Variants in CTAGE1 observed in about 807,000 individuals in gnomAD.
CTAGE1 encodes cutaneous T cell lymphoma-associated antigen 1, also known as cTAGE family member 2.
For missense variants in CTAGE1, 963 were observed against 855.9 expected, an observed-to-expected ratio of 1.13 and a Z score of -1.56; for synonymous variants, 332 against 302.8, an observed-to-expected ratio of 1.10 and a Z score of -1.00.
Position 22,416,273 on chromosome 18 carries a change from A to T in CTAGE1, c.1539T>A (p.Pro513=). The change falls in exon 1 of 1, where the codon CCT becomes CCA. Residue 513 remains proline, a synonymous_variant. Coordinates refer to ENST00000391403, the MANE Select transcript of CTAGE1 (RefSeq NM_172241.3). ...SLYPPTLLEG[P]LRLSPLLPRG... is the part of the protein sequence containing the mutation. ...GTGGAAGCAAAGGTGAGAGTCTGAGAGGACCTTCCAACAAAGTTGGAGGAT... is the reference window on the plus strand; with the variant it reads ...GTGGAAGCAAAGGTGAGAGTCTGAGTGGACCTTCCAACAAAGTTGGAGGAT... 2 of 1,613,920 alleles carry T rather than the reference A, an allele frequency of 1.2e-6. No homozygotes were observed. The highest frequency in any genetic ancestry group is 1.7e-4 in the Middle Eastern group (1 of 6,056).
Position 22,415,672 on chromosome 18 carries a change from G to A in CTAGE1, c.2140C>T (p.Arg714Cys), listed in dbSNP as rs1471752985. Reference protein sequence around the residue: ...FSPRDVPGPPRAPFAMRNVYL... With the variant: ...FSPRDVPGPPCAPFAMRNVYL... The stretch of plus-strand genomic sequence containing the variant: ...ACATTTCTCATTGCAAATGGAGCAC[G>A]TGGTGGACCTGGGACATCCCTTGGA... Residue 714 changes from arginine to cysteine, a missense_variant, in exon 1 of 1, where the codon CGT becomes TGT. Arg to Cys is a radical substitution (Grantham distance 180). Transcript: ENST00000391403. 3 of 1,614,148 alleles carry A rather than the reference G, an allele frequency of 1.9e-6. No individual in the cohort carries two copies. Among genetic ancestry groups the A allele is most frequent in the Non-Finnish European group, 8.5e-7 (1 of 1,180,004 alleles).
chr18:22,417,477 A>G lies in CTAGE1; in HGVS notation c.335T>C (p.Val112Ala). Residue 112 changes from valine to alanine, a missense_variant, in exon 1 of 1, where the codon GTG becomes GCG. By Grantham distance (64) the Val-to-Ala change is moderately conservative (BLOSUM62 0). Transcript: ENST00000391403. ...EKLNRFNSEL[V>A]HEILCLEKEL... ...TTTTTCTAGACAGAGTATTTCATGC[A>G]CAAGTTCAGAATTGAACCTGTTCAG... 1 of 1,613,986 alleles carries G rather than the reference A, an allele frequency of 6.2e-7. No homozygotes were observed. Among genetic ancestry groups the G allele is most frequent in the Non-Finnish European group, 8.5e-7 (1 of 1,179,872 alleles).
Position 22,414,336 on chromosome 18 carries a change from T to C in CTAGE1, c.*1238A>G, listed in dbSNP as rs977726954. 8.0e-6 allele frequency: 2 copies of C among 250,198 alleles called. No individual in the cohort carries two copies. The highest frequency in any genetic ancestry group is 2.2e-5 in the African/African-American group (1 of 44,516). The allele number at this position is 250,198 out of a possible 1,614,324, so 15.5% of individuals were successfully genotyped here. On this transcript the variant is annotated 3_prime_UTR_variant, in exon 1 of 1. Coordinates refer to ENST00000391403, the MANE Select transcript of CTAGE1 (RefSeq NM_172241.3). ...ACGGAAAATGTATAGGAAGCCCCAG[T>C]GTACAATAAGGGCACCTCATGTCTC...
Position 22,416,593 on chromosome 18 carries a change from C to G in CTAGE1, c.1219G>C (p.Asp407His). ...ATAGTTTTCTCAAATTCTTTAAGAT[C>G]TTTGGCTCGCTTTCGGTAGGTCTCC... ...ELETYRKRAK[D>H]LKEFEKTIHF... The change falls in exon 1 of 1, where the codon GAT becomes CAT. Residue 407 changes from aspartate (D) to histidine (H), a missense_variant. Asp to His is a moderately conservative substitution (Grantham distance 81). Transcript: ENST00000391403. The G allele has an allele frequency of 1.2e-6, 2 of 1,610,650 alleles. No individual in the cohort carries two copies. The highest frequency in any genetic ancestry group is 1.7e-6 in the Non-Finnish European group (2 of 1,179,366).
chr18:22,415,563 T>C lies in CTAGE1; in HGVS notation c.*11A>G, dbSNP rs769564729. 1.3e-6 allele frequency: 2 copies of C among 1,576,144 alleles called. No individual in the cohort carries two copies. The highest frequency in any genetic ancestry group is 1.2e-5 in the South Asian group (1 of 84,600). On this transcript the variant is annotated 3_prime_UTR_variant, in exon 1 of 1. Transcript: ENST00000391403. ...AGTCGGACTCAACCCTGATGGAAAC[T>C]CATTCTACCTTCAGAATGTGGGGGC...
Position 22,415,830 on chromosome 18 carries a change from A to G in CTAGE1, c.1982T>C (p.Val661Ala). Residue 661 changes from valine to alanine, a missense_variant, in exon 1 of 1, where the codon GTT becomes GCT. Val to Ala is a moderately conservative substitution (Grantham distance 64). Transcript: ENST00000391403. ...AENEATGPGF[V>A]PPPLAPIRGL... ...TCTGATTGGAGCAAGAGGTGGAGGA[A>G]CAAAGCCAGGGCCAGTTGCTTCATT... 3 of 1,613,972 alleles carry G rather than the reference A, an allele frequency of 1.9e-6. No individual in the cohort carries two copies. The highest frequency in any genetic ancestry group is 2.5e-6 in the Non-Finnish European group (3 of 1,179,860).
In CTAGE1 at chr18:22,416,878, C is replaced by T. The variant is rs778152264; in HGVS notation, c.934G>A (p.Glu312Lys). The change falls in exon 1 of 1, where the codon GAA becomes AAA. Residue 312 changes from glutamate (E) to lysine (K), a missense_variant. Coordinates refer to ENST00000391403, the MANE Select transcript of CTAGE1 (RefSeq NM_172241.3). ...ERNQIYIQLS[E>K]VDKTKEELTE... ...AGCTCTTCCTTTGTTTTATCAACTT[C>T]AGATAATTGAATATAAATTTGGTTT... is the stretch of plus-strand genomic sequence containing the variant. 14 of 1,613,432 alleles carry T rather than the reference C, an allele frequency of 8.7e-6. No homozygotes were observed. The African/African-American group carries it at 1.2e-4, about 14-fold the overall frequency.
Position 22,417,116 on chromosome 18 carries a change from A to G in CTAGE1, c.696T>C (p.Asn232=). 1.2e-6 allele frequency: 2 copies of G among 1,613,726 alleles called. No homozygotes were observed. The highest frequency in any genetic ancestry group is 1.7e-6 in the Non-Finnish European group (2 of 1,179,800). ...HAEQVLNDKE[N]HIKTLTERLL... ...AGCGTTCAGTCAGAGTCTTGATGTG[A>G]TTTTCTTTATCATTTAGAACTTGTT... The change falls in exon 1 of 1, where the codon AAT becomes AAC. Residue 232 remains asparagine (N), a synonymous_variant. Transcript: ENST00000391403.
chr18:22,417,380 C>T lies in CTAGE1; in HGVS notation c.432G>A (p.Gln144=). 1 of 1,613,992 alleles carries T rather than the reference C, an allele frequency of 6.2e-7. No homozygotes were observed. The highest frequency in any genetic ancestry group is 1.1e-5 in the South Asian group (1 of 91,074). The stretch of plus-strand genomic sequence containing the variant: ...GGGATTTTGACTCATCTTCTAGCGA[C>T]TGTATCCTTTTGGAAATATCCGCCA... ...ELMADISKRI[Q]SLEDESKSLK... is the part of the protein sequence containing the mutation. Residue 144 remains glutamine, a synonymous_variant, in exon 1 of 1, where the codon CAG becomes CAA. Coordinates refer to ENST00000391403, the MANE Select transcript of CTAGE1 (RefSeq NM_172241.3).
Position 22,417,695 on chromosome 18 carries a change from C to T in CTAGE1, c.117G>A (p.Arg39=). The T allele has an allele frequency of 6.2e-7, 1 of 1,614,086 alleles. No homozygotes were observed. The highest frequency in any genetic ancestry group is 8.5e-7 in the Non-Finnish European group (1 of 1,179,936). ...ACTTTTTCTCTCTTCTCACATAAAG[C>T]CGACTCGTAACTGATCTAAAACTTC... ...LWRSFRSVTS[R]LYVRREKKFA... Residue 39 remains arginine (R), a synonymous_variant, in exon 1 of 1, where the codon CGG becomes CGA. Coordinates refer to ENST00000391403, the MANE Select transcript of CTAGE1 (RefSeq NM_172241.3).
Position 22,415,912 on chromosome 18 carries a change from C to T in CTAGE1, c.1900G>A (p.Asp634Asn). The change falls in exon 1 of 1, where the codon GAT (aspartate) becomes AAT (asparagine). Residue 634 changes from aspartate (D) to asparagine (N), a missense_variant. Transcript: ENST00000391403. Reference protein sequence around the residue: ...MPSEMESSRNDTKDNLGNLKV... With the variant: ...MPSEMESSRNNTKDNLGNLKV... Reference sequence around the variant, plus strand: ...AAATTACCAAGATTATCTTTGGTATCATTTCTACTGGATTCCATTTCTGAA... The same window carrying T: ...AAATTACCAAGATTATCTTTGGTATTATTTCTACTGGATTCCATTTCTGAA... 1 of 1,613,920 alleles carries T rather than the reference C, an allele frequency of 6.2e-7. No homozygotes were observed.
chr18:22,416,445 T>G lies in CTAGE1; in HGVS notation c.1367A>C (p.Lys456Thr). ...TATTTTAAACTCTATTTCAGTTAAT[T>G]TTTGTCTGTTGTGAGCATTTTCTTT... The part of the protein sequence containing the change: ...LRKENAHNRQ[K>T]LTEIEFKIKL... Residue 456 changes from lysine to threonine, a missense_variant, in exon 1 of 1, where the codon AAA becomes ACA. By Grantham distance (78) the Lys-to-Thr change is moderately conservative. Transcript: ENST00000391403. 1.2e-6 allele frequency: 2 copies of G among 1,613,884 alleles called. No individual in the cohort carries two copies. Among genetic ancestry groups the G allele is most frequent in the Non-Finnish European group, 1.7e-6 (2 of 1,179,956 alleles).
Position 22,414,783 on chromosome 18 carries a change from GT to G in CTAGE1, c.*790del. 1 of 702,830 alleles carries G rather than the reference GT, an allele frequency of 1.4e-6. No homozygotes were observed. Among genetic ancestry groups the G allele is most frequent in the South Asian group, 1.5e-5 (1 of 67,592 alleles). 43.5% of individuals were successfully genotyped at this position (702,830 alleles called of 1,614,324 possible). On this transcript the variant is annotated 3_prime_UTR_variant, in exon 1 of 1. Coordinates refer to ENST00000391403, the MANE Select transcript of CTAGE1 (RefSeq NM_172241.3). ...GGGGCAAGTAAAAGTTCTGGATAAA[GT>G]TGTTCCCACCAAATAAAAATAAAAC...
In CTAGE1 at chr18:22,413,800, C is replaced by T. The variant is rs1445774246; in HGVS notation, c.*1774G>A. Reference sequence around the variant, plus strand: ...CTGGGGAAAGGTGGCAAAGTAGACACAAAGAGATGACAATACCTGTTTCAT... The same window carrying T: ...CTGGGGAAAGGTGGCAAAGTAGACATAAAGAGATGACAATACCTGTTTCAT... On this transcript the variant is annotated 3_prime_UTR_variant, in exon 1 of 1. Transcript: ENST00000391403. 1 of 152,088 alleles carries T rather than the reference C, an allele frequency of 6.6e-6. No individual in the cohort carries two copies. 9.4% of individuals were successfully genotyped at this position (152,088 alleles called of 1,614,324 possible). A position where few individuals can be genotyped will look rare whatever the true frequency, so the allele number is the denominator to read the frequency against.
rs2035027896 is a variant in CTAGE1, at chr18:22,417,294, C to T, written c.518G>A (p.Arg173Gln). The T allele has an allele frequency of 1.2e-6, 2 of 1,613,850 alleles. No individual in the cohort carries two copies. Among genetic ancestry groups the T allele is most frequent in the East Asian group, 2.2e-5 (1 of 44,888 alleles). The change falls in exon 1 of 1, where the codon CGG (arginine) becomes CAG (glutamine). Residue 173 changes from arginine to glutamine, a missense_variant. Arg to Gln is a conservative substitution (Grantham distance 43). Coordinates refer to ENST00000391403, the MANE Select transcript of CTAGE1 (RefSeq NM_172241.3). ...AGCATCTTGTATTTCTATCTCCAAC[C>T]GTTCTTCATTCGCTTGAAATCTCTT... The part of the protein sequence containing the change: ...TFKRFQANEE[R>Q]LEIEIQDAWK...
Position 22,416,101 on chromosome 18 carries a change from C to T in CTAGE1, c.1711G>A (p.Asp571Asn). The T allele has an allele frequency of 1.2e-6, 2 of 1,613,934 alleles. No homozygotes were observed. Among genetic ancestry groups the T allele is most frequent in the Non-Finnish European group, 1.7e-6 (2 of 1,179,862 alleles). The change falls in exon 1 of 1, where the codon GAC becomes AAC. Residue 571 changes from aspartate to asparagine, a missense_variant. Physicochemically the swap from Asp to Asn is conservative, Grantham distance 23 (BLOSUM62 1). Coordinates refer to ENST00000391403, the MANE Select transcript of CTAGE1 (RefSeq NM_172241.3). ...GGTGGAGGAAACATCATCCTATAGT[C>T]CTGTTCCCACGGAGGTGCCAGGGGC... ...AGPLAPPWEQ[D>N]YRMMFPPPGQ...
Position 22,416,956 on chromosome 18 carries a change from G to C in CTAGE1, c.856C>G (p.Leu286Val). 1 of 1,614,000 alleles carries C rather than the reference G, an allele frequency of 6.2e-7. No individual in the cohort carries two copies. The highest frequency in any genetic ancestry group is 2.2e-5 in the East Asian group (1 of 44,852). Residue 286 changes from leucine (L) to valine (V), a missense_variant, in exon 1 of 1, where the codon CTG (leucine) becomes GTG (valine). Physicochemically the swap from Leu to Val is conservative, Grantham distance 32. Transcript: ENST00000391403. ...DNPPKGALKK[L>V]IHAAKLNASL... ...GCATTTAACTTAGCAGCATGAATCA[G>C]TTTCTTCAAAGCTCCTTTTGGAGGA...
chr18:22,415,673 T>C lies in CTAGE1; in HGVS notation c.2139A>G (p.Pro713=), dbSNP rs753187904. 4.3e-6 allele frequency: 7 copies of C among 1,614,066 alleles called. No homozygotes were observed. The highest frequency in any genetic ancestry group is 3.3e-5 in the Admixed American group (2 of 60,020). ...YFSPRDVPGP[P]RAPFAMRNVY... The stretch of plus-strand genomic sequence containing the variant: ...CATTTCTCATTGCAAATGGAGCACG[T>C]GGTGGACCTGGGACATCCCTTGGAG... Residue 713 remains proline, a synonymous_variant, in exon 1 of 1, where the codon CCA becomes CCG. Coordinates refer to ENST00000391403, the MANE Select transcript of CTAGE1 (RefSeq NM_172241.3).
rs1203582634 is a variant in CTAGE1 at position 22,416,430 on chromosome 18, T to C, written c.1382A>G (p.Glu461Gly). Reference sequence around the variant, plus strand: ...TTTTTCTAAAAGTTTTATTTTAAACTCTATTTCAGTTAATTTTTGTCTGTT... The same window carrying C: ...TTTTTCTAAAAGTTTTATTTTAAACCCTATTTCAGTTAATTTTTGTCTGTT... Reference protein sequence around the residue: ...AHNRQKLTEIEFKIKLLEKDP... With the variant: ...AHNRQKLTEIGFKIKLLEKDP... Residue 461 changes from glutamate to glycine, a missense_variant, in exon 1 of 1, where the codon GAG (glutamate) becomes GGG (glycine). Physicochemically the swap from Glu to Gly is moderately conservative, Grantham distance 98 (BLOSUM62 -2). Coordinates refer to ENST00000391403, the MANE Select transcript of CTAGE1 (RefSeq NM_172241.3). The C allele has an allele frequency of 1.2e-6, 2 of 1,613,558 alleles. No homozygotes were observed. Among genetic ancestry groups the C allele is most frequent in the Non-Finnish European group, 1.7e-6 (2 of 1,179,858 alleles).
Sources: gnomAD v4.1 joint callset for allele counts on GRCh38, gnomAD v4.1.1 for gene constraint, MANE v1.5 for transcripts, NCBI Gene and HGNC (gene_info 2026-07-23, HGNC 2026-07-21) for gene names.